Variants in PDS5A observed in about 807,000 individuals in gnomAD.
PDS5A encodes the protein PDS5 cohesin associated factor A.
PDS5A carries 42 observed loss-of-function variants against 167.1 expected under a neutral mutation model. The ratio of observed to expected loss-of-function variants is 0.25; its 90% CI spans 0.20 to 0.33. The LOEUF is 0.33. Among genes scored for constraint, PDS5A ranks in the 10% least tolerant of loss-of-function variants. The pLI, the probability that PDS5A is intolerant of heterozygous loss-of-function variation, is 1.00. For synonymous variants in PDS5A, 553 were observed against 554.6 expected (o/e 1.00, Z 0.04); for missense variants, 1,033 against 1,605.9 (o/e 0.64, Z 6.10).
At chr4:39,960,099 A>G (rs1729339317) in intron 2 of PDS5A, among the ~76,000 whole-genome samples, 1 of 151,324 alleles carries the variant, frequency 6.6e-6, no homozygotes, top group South Asian at 2.1e-4. Flanking sequence ...TCTCAAAAAA[A>G]CAAACAAGAA....
At chr4:39,924,831 G>A (rs1361982370) in intron 5 of PDS5A, among the ~76,000 whole-genome samples, 4 of 152,190 alleles carry the variant, frequency 2.6e-5, no homozygotes, top group African/African-American at 9.6e-5. Context: ...AACAAACCAG[G>A]CTGGGTGTGG....
intron 20 of PDS5A, among the ~76,000 whole-genome samples, chr4:39,873,457 C>T (rs905361961): frequency 3.3e-5 from 5 of 152,152 alleles, no homozygotes; most frequent in African/African-American, 7.2e-5. Flanking sequence ...AATGGATTTG[C>T]TATACCAGTG....
Position 39,925,885 on chromosome 4 carries a change from A to C in PDS5A, c.478T>G (p.Cys160Gly). The C allele has an allele frequency of 6.6e-7, 1 of 1,517,750 alleles. No individual in the cohort carries two copies. Among genetic ancestry groups the C allele is most frequent in the Non-Finnish European group, 9.0e-7 (1 of 1,109,512 alleles). 94.0% of individuals were successfully genotyped at this position (1,517,750 alleles called of 1,614,324 possible). The change falls in exon 5 of 33, where the codon TGC becomes GGC. Residue 160 changes from cysteine (C) to glycine (G), a missense_variant. This residue lies in a region of PDS5A where 388 missense variants were observed against 615.1 expected (regional missense o/e 0.63). Transcript: ENST00000303538. ...SYNICFELED[C>G]NEIFIQLFRT... is the part of the protein sequence containing the mutation. ...AAAAGCTGAATAAAAATTTCATTGC[A>C]ATCTTCCAATTCAAAGCAGATGTTA...
In PDS5A at chr4:39,823,405, T is replaced by G. The variant is rs1348905287; in HGVS notation, c.*2080A>C. 2.0e-5 allele frequency: 3 copies of G among 152,368 alleles called. No homozygotes were observed. The highest frequency in any genetic ancestry group is 2.0e-4 in the Admixed American group (3 of 15,256). The allele number at this position is 152,368 out of a possible 1,614,324, so 9.4% of individuals were successfully genotyped here. The stretch of plus-strand genomic sequence containing the variant: ...TGCAAAAATCTAAACAGGAATATAT[T>G]GATGCAGATGGTTCTGCTACATTTT... On this transcript the variant is annotated 3_prime_UTR_variant, in exon 33 of 33. Transcript: ENST00000303538.
chr4:39,837,784 T>C, intron 32 of PDS5A, 72 bp downstream of exon 32: 2 of 1,120,232 alleles, frequency 1.8e-6, no homozygotes, highest in Non-Finnish European at 1.3e-6. Context: ...TTGGGGTGAC[T>C]GGCACTAAGA....
At chr4:39,946,827 C>T (rs918567914) in intron 2 of PDS5A, among the ~76,000 whole-genome samples, 9 of 152,202 alleles carry the variant, frequency 5.9e-5, no homozygotes, top group South Asian at 2.1e-4. Flanking sequence ...GCAGGAGAAT[C>T]GCTTCAACCC....
At position 39,890,304 on chromosome 4, in the gene PDS5A, C is replaced by T; in HGVS notation, c.1831G>A (p.Val611Ile). The change falls in exon 17 of 33, where the codon GTC (valine) becomes ATC (isoleucine). Residue 611 changes from valine to isoleucine, a missense_variant. Transcript: ENST00000303538. ...KQPTNPFLEM[V>I]KFLLERIAPV... ...GCGATTCTTTCCAACAGAAATTTGA[C>T]CATCTCTAGAAAAGGATTTGTTGGT... The T allele has an allele frequency of 6.3e-7, 1 of 1,585,602 alleles. No individual in the cohort carries two copies. Among genetic ancestry groups the T allele is most frequent in the Non-Finnish European group, 8.6e-7 (1 of 1,164,394 alleles).
At chr4:39,963,121 C>A (rs1349431870) in intron 2 of PDS5A, among the ~76,000 whole-genome samples, 1 of 151,832 alleles carries the variant, frequency 6.6e-6, no homozygotes, top group African/African-American at 2.4e-5. Context: ...GAGTTCAAAA[C>A]CAGCCTGGAC....
intron 5 of PDS5A, 98 bp downstream of exon 5, chr4:39,925,738 A>G (rs1415522638): frequency 3.0e-5 from 12 of 400,276 alleles, no homozygotes; most frequent in East Asian, 1.2e-4. Flanking sequence ...ACAATTCCTT[A>G]TAACTCTGAA....
intron 17 of PDS5A, among the ~76,000 whole-genome samples, chr4:39,887,740 A>C (rs1721600825): frequency 6.6e-6 from 1 of 152,182 alleles, no homozygotes; most frequent in African/African-American, 2.4e-5. Flanking sequence ...ATTAAGCTAA[A>C]ATGGTTCTGC....
At chr4:39,948,312 C>CTTTTTTTTT (rs552182165) in intron 2 of PDS5A, among the ~76,000 whole-genome samples, 1 of 80,912 alleles carries the variant, frequency 1.2e-5, no homozygotes, top group African/African-American at 5.2e-5. Context: ...TGAATCAAAC[C>CTTTTTTTTT]TTTTTTTTTT....
intron 23 of PDS5A, 88 bp downstream of exon 23, chr4:39,866,773 C>A: frequency 9.0e-7 from 1 of 1,111,570 alleles, no homozygotes; most frequent in Non-Finnish European, 1.3e-6. Context: ...GTAATTACAC[C>A]ATTCAGTATT....
rs1308211352 is a variant in PDS5A at position 39,898,511 on chromosome 4, C to T, written c.1648G>A (p.Gly550Arg). The T allele has an allele frequency of 1.9e-6, 3 of 1,581,850 alleles. No homozygotes were observed. The highest frequency in any genetic ancestry group is 1.8e-5 in the Admixed American group (1 of 55,634). Residue 550 changes from glycine (G) to arginine (R), a missense_variant, in exon 16 of 33, where the codon GGG becomes AGG. Physicochemically the swap from Gly to Arg is moderately radical, Grantham distance 125 (BLOSUM62 -2). This residue lies in a region of PDS5A where 367 missense variants were observed against 686.7 expected (regional missense o/e 0.53). Coordinates refer to ENST00000303538, the MANE Select transcript of PDS5A (RefSeq NM_001100399.2). ...TTCTTCACAAAATCTTGTGCTTTCC[C>T]GGGGTCAGGCAAATTCTCTATAAAA... ...MTIAKNLPDPGKAQDFVKKFN... is the reference protein window; with the variant it reads ...MTIAKNLPDPRKAQDFVKKFN...
chr4:39,928,513 T>C (rs749515452), intron 2 of PDS5A, among the ~76,000 whole-genome samples: 2 of 152,194 alleles, frequency 1.3e-5, no homozygotes, highest in Non-Finnish European at 2.9e-5. Context: ...GCAACATCAT[T>C]AACTATGCTT....
chr4:39,902,198 C>A (rs992147819), intron 13 of PDS5A, 149 bp downstream of exon 13: 1 of 524,616 alleles, frequency 1.9e-6, no homozygotes, highest in Admixed American at 3.7e-5. Context: ...GAACATAAAT[C>A]GTAACATTTT....
At chr4:39,923,544 G>A (rs888181517) in intron 5 of PDS5A, among the ~76,000 whole-genome samples, 1 of 150,846 alleles carries the variant, frequency 6.6e-6, no homozygotes, top group Non-Finnish European at 1.5e-5. Flanking sequence ...GCTGACATGG[G>A]AGGATCACTG....
At chr4:39,955,245 T>C (rs1728813935) in intron 2 of PDS5A, among the ~76,000 whole-genome samples, 1 of 152,084 alleles carries the variant, frequency 6.6e-6, no homozygotes, top group African/African-American at 2.4e-5. Context: ...CTGAAAAATA[T>C]ACAAGGAAAC....
chr4:39,870,973 A>G (rs1045783053), intron 21 of PDS5A, among the ~76,000 whole-genome samples: 7 of 152,196 alleles, frequency 4.6e-5, no homozygotes, highest in South Asian at 2.1e-4. Flanking sequence ...CATATAAAAG[A>G]ACACTGCTTA....
At chr4:39,898,985 TA>T in intron 14 of PDS5A, among the ~76,000 whole-genome samples, 160 bp from the exon 15 acceptor site, 1 of 152,272 alleles carries the variant, frequency 6.6e-6, no homozygotes, top group East Asian at 1.9e-4. Flanking sequence ...ATATATACGC[TA>T]AACTAACAAC....
Sources: gnomAD v4.1 joint callset for allele counts (sites outside exome capture counted in the v4.1 genomes callset) on GRCh38, gnomAD v4.1.1 for gene constraint, gnomAD v4.1.1 regional missense constraint, MANE v1.5 for transcripts, NCBI Gene and HGNC (gene_info 2026-07-23, HGNC 2026-07-21) for gene names.